DTX1: variants seen among roughly 807,000 people sequenced by gnomAD.
DTX1 encodes E3 ubiquitin-protein ligase DTX1.
Under a neutral mutation model 57.8 loss-of-function variants are expected in DTX1, and 26 were observed. The ratio of observed to expected loss-of-function variants is 0.45; its 90% CI spans 0.33 to 0.62. DTX1 has a LOEUF of 0.62. Ranked by LOEUF, DTX1 falls within the 20% of genes least tolerant of loss-of-function variation. The pLI, the probability that DTX1 is intolerant of heterozygous loss-of-function variation, is 0.02. For missense variants in DTX1, 704 were observed against 895.3 expected (o/e 0.79, Z 2.73); for synonymous variants, 398 against 394.1 (o/e 1.01, Z -0.12).
chr12:113,088,129 A>C (rs1950218791), intron 3 of DTX1, among the ~76,000 whole-genome samples: 1 of 152,208 alleles, frequency 6.6e-6, no homozygotes, highest in African/African-American at 2.4e-5. Flanking sequence ...CGGAAACTCC[A>C]GGACCCAGTG....
At position 113,057,633 on chromosome 12, in the gene DTX1, G is replaced by C. The variant is rs780341652; in HGVS notation, c.-560G>C. On this transcript the variant is annotated 5_prime_UTR_variant, in exon 2 of 10. Coordinates refer to ENST00000548759, the MANE Select transcript of DTX1 (RefSeq NM_004416.3). ...GACACCGTGGAGAGGGAACAAGGGG[G>C]CAGGGACGCCCCCTTCGGCAGGAGC... The C allele has an allele frequency of 6.4e-6, 1 of 155,884 alleles. No individual in the cohort carries two copies. Among genetic ancestry groups the C allele is most frequent in the Non-Finnish European group, 1.4e-5 (1 of 70,200 alleles). The allele number at this position is 155,884 out of a possible 1,614,324, so 9.7% of individuals were successfully genotyped here.
chr12:113,062,062 C>CAT (rs2044668598), intron 2 of DTX1, among the ~76,000 whole-genome samples: 1 of 151,970 alleles, frequency 6.6e-6, no homozygotes, highest in African/African-American at 2.4e-5. Context: ...CACACACACA[C>CAT]ACACACACTC....
In DTX1 at chr12:113,077,865, C is replaced by A; in HGVS notation, c.701C>A (p.Pro234Gln). Residue 234 changes from proline to glutamine, a missense_variant, in exon 3 of 10, where the codon CCG (proline) becomes CAG (glutamine). Physicochemically the swap from Pro to Gln is moderately conservative, Grantham distance 76 (BLOSUM62 -1). Around this residue, in one of 3 missense-constraint regions of DTX1, gnomAD observed 299 missense variants for 311.2 expected, o/e 0.96. Transcript: ENST00000548759. This position sits in a 1 kb window ranked among gnomAD's most constrained non-coding sequence, Gnocchi z 7.8. Reference protein sequence around the residue: ...RKAPPAPPLPPPPPPGGPPGA... With the variant: ...RKAPPAPPLPQPPPPGGPPGA... ...GCGCCCCCCGCGCCCCCGCTGCCGC[C>A]GCCGCCGCCACCTGGAGGGCCTCCA... 7.6e-7 allele frequency: 1 copy of A among 1,311,436 alleles called. No individual in the cohort carries two copies. The highest frequency in any genetic ancestry group is 9.6e-7 in the Non-Finnish European group (1 of 1,040,292). The allele number at this position is 1,311,436 out of a possible 1,614,324, so 81.2% of individuals were successfully genotyped here.
At chr12:113,071,080 TTCTATC>T (rs1403232361) in intron 2 of DTX1, among the ~76,000 whole-genome samples, 2 of 152,222 alleles carry the variant, frequency 1.3e-5, no homozygotes, top group African/African-American at 4.8e-5. Flanking sequence ...CTCAAGCTCG[TTCTATC>T]TCTGACTCCA....
chr12:113,095,049 G>T lies in DTX1; in HGVS notation c.1394G>T (p.Ser465Ile), dbSNP rs1297234343. The T allele has an allele frequency of 1.2e-6, 2 of 1,610,702 alleles. No homozygotes were observed. The highest frequency in any genetic ancestry group is 2.2e-5 in the South Asian group (2 of 90,958). ...CCAGCCTCCCCTGCCCAGGATGGCA[G>T]CCTGCAGTGCCCCACCTGCAAGGCC... is the stretch of plus-strand genomic sequence containing the variant. Reference protein sequence around the residue: ...AMYSNGNKDGSLQCPTCKAIY... With the variant: ...AMYSNGNKDGILQCPTCKAIY... Residue 465 changes from serine (S) to isoleucine (I), a missense_variant, in exon 8 of 10, where the codon AGC becomes ATC. Ser to Ile is a moderately radical substitution (Grantham distance 142). Coordinates refer to ENST00000548759, the MANE Select transcript of DTX1 (RefSeq NM_004416.3).
rs2136069073 is a variant in DTX1, at chr12:113,096,776, A to G, written c.1700A>G (p.Asn567Ser). Residue 567 changes from asparagine to serine, a missense_variant, in exon 10 of 10, where the codon AAC becomes AGC. Asn to Ser is a conservative substitution (Grantham distance 46). Transcript: ENST00000548759. ...CTCATCTTCACTATCGGCACGTCCAACACCACGGGCGAGTCGGACACCGTG... is the reference window on the plus strand; with the variant it reads ...CTCATCTTCACTATCGGCACGTCCAGCACCACGGGCGAGTCGGACACCGTG... ...RRLIFTIGTS[N>S]TTGESDTVVW... 6.2e-7 allele frequency: 1 copy of G among 1,613,854 alleles called. No homozygotes were observed. The highest frequency in any genetic ancestry group is 8.5e-7 in the Non-Finnish European group (1 of 1,180,030).
intron 6 of DTX1, among the ~76,000 whole-genome samples, 164 bp downstream of exon 6, chr12:113,094,263 C>G (rs1181099404): frequency 6.6e-6 from 1 of 152,194 alleles, no homozygotes; most frequent in African/African-American, 2.4e-5. Context: ...TTAATAGACT[C>G]ACATTTATCC....
In DTX1 at chr12:113,093,985, C is replaced by G; in HGVS notation, c.1166-53C>G. Reference sequence around the variant, plus strand: ...CCCCTGACCCAGTTCTGAGCCAAGCCTTCGGGGACAGACTCTGGGTACCCT... The same window carrying G: ...CCCCTGACCCAGTTCTGAGCCAAGCGTTCGGGGACAGACTCTGGGTACCCT... On this transcript the variant is annotated intron_variant, in intron 5 of 9. Transcript: ENST00000548759. This position sits in a 1 kb window ranked among gnomAD's most constrained non-coding sequence, Gnocchi z 4.2. 2.6e-6 allele frequency: 4 copies of G among 1,555,986 alleles called. No homozygotes were observed. Among genetic ancestry groups the G allele is most frequent in the East Asian group, 2.4e-5 (1 of 42,216 alleles).
At chr12:113,086,291 G>A (rs143671658) in intron 3 of DTX1, among the ~76,000 whole-genome samples, 41 of 152,136 alleles carry the variant, frequency 2.7e-4, no homozygotes, top group African/African-American at 9.9e-4. Context: ...AGAACTGGGG[G>A]AAGAGCATTC....
At chr12:113,061,190 C>T (rs1396527996) in intron 2 of DTX1, among the ~76,000 whole-genome samples, 2 of 152,118 alleles carry the variant, frequency 1.3e-5, no homozygotes, top group Non-Finnish European at 2.9e-5. Flanking sequence ...CCACACCTGC[C>T]CCCTGTTTGC....
At chr12:113,061,728 G>GT (rs2044664955) in intron 2 of DTX1, among the ~76,000 whole-genome samples, 1 of 151,770 alleles carries the variant, frequency 6.6e-6, no homozygotes, top group Non-Finnish European at 1.5e-5. Context: ...TTGAGACAGT[G>GT]TCTCACTCTG....
At chr12:113,075,961 G>A (rs770453820) in intron 2 of DTX1, among the ~76,000 whole-genome samples, 6 of 151,930 alleles carry the variant, frequency 3.9e-5, no homozygotes, top group Non-Finnish European at 7.4e-5. Context: ...ACATTCTAGC[G>A]AGGGGGGGAC....
Position 113,093,690 on chromosome 12 carries a change from C to G in DTX1, c.1155C>G (p.His385Gln). 2 of 1,613,698 alleles carry G rather than the reference C, an allele frequency of 1.2e-6. No individual in the cohort carries two copies. Among genetic ancestry groups the G allele is most frequent in the Non-Finnish European group, 1.7e-6 (2 of 1,179,906 alleles). ...TGTGCCGCAAGACCAAGAAGAAGCA[C>G]CTTAAAAAGAGTACGCCCTCCACGC... is the stretch of plus-strand genomic sequence containing the variant. ...PGVCRKTKKKHLKKSKNPEDV... is the reference protein window; with the variant it reads ...PGVCRKTKKKQLKKSKNPEDV... The change falls in exon 5 of 10, where the codon CAC (histidine) becomes CAG (glutamine). Residue 385 changes from histidine to glutamine, a missense_variant. Around this residue, in one of 3 missense-constraint regions of DTX1, gnomAD observed 299 missense variants for 311.2 expected, o/e 0.96. Coordinates refer to ENST00000548759, the MANE Select transcript of DTX1 (RefSeq NM_004416.3). The surrounding 1 kb of genome is among the most constrained non-coding windows in gnomAD (Gnocchi z 4.2).
chr12:113,087,859 G>A (rs181992374), intron 3 of DTX1, among the ~76,000 whole-genome samples: 29 of 152,238 alleles, frequency 1.9e-4, no homozygotes, highest in Admixed American at 1.9e-3. Flanking sequence ...AGGAGGGAGG[G>A]GACTTGGCTG....
chr12:113,075,247 G>C (rs1214938464), intron 2 of DTX1, among the ~76,000 whole-genome samples: 2 of 152,210 alleles, frequency 1.3e-5, no homozygotes, highest in African/African-American at 2.4e-5. Context: ...TGGAAAGTCA[G>C]AAAGTCAGGA....
intron 3 of DTX1, among the ~76,000 whole-genome samples, chr12:113,080,914 G>T (rs1489670107): frequency 6.6e-6 from 1 of 151,592 alleles, no homozygotes; most frequent in Non-Finnish European, 1.5e-5. Flanking sequence ...GGTCAAGGCT[G>T]CAGTGACCTG....
chr12:113,094,969 C>T lies in DTX1; in HGVS notation c.1386+22C>T, dbSNP rs1389217640. 2.5e-6 allele frequency: 4 copies of T among 1,608,330 alleles called. No individual in the cohort carries two copies. The Admixed American group carries it at 5.0e-5, about 20-fold the overall frequency. On this transcript the variant is annotated intron_variant, in intron 7 of 9. Transcript: ENST00000548759. The stretch of plus-strand genomic sequence containing the variant: ...CAAGGTGGGTTGGGCGGGACAATGG[C>T]TGAGGAGTGGGCAGGGAACGGAGTG...
rs2044625660 is a variant in DTX1, at chr12:113,056,750, C to T, written c.-939C>T. On this transcript the variant is annotated 5_prime_UTR_variant, in exon 1 of 10. Coordinates refer to ENST00000548759, the MANE Select transcript of DTX1 (RefSeq NM_004416.3). ...CTCCCACCCGCGAGATCCCGGCGGC[C>T]GCCAGCCGGCTCCTGCGTCCGTCCG... 2 of 152,168 alleles carry T rather than the reference C, an allele frequency of 1.3e-5. No individual in the cohort carries two copies. The highest frequency in any genetic ancestry group is 4.8e-5 in the African/African-American group (2 of 41,448). 9.4% of individuals were successfully genotyped at this position (152,168 alleles called of 1,614,324 possible). A position where few individuals can be genotyped will look rare whatever the true frequency, so the allele number is the denominator to read the frequency against.
At position 113,063,544 on chromosome 12, in the gene DTX1, C is replaced by T. The variant is rs576888777; in HGVS notation, c.259+5093C>T. 8.5e-5 allele frequency among the ~76,000 whole-genome samples: 13 copies of T among 152,354 alleles called. No homozygotes were observed. The South Asian group carries it at 2.7e-3, about 32-fold the overall frequency. ...CTCTCCATGTGCTGCTGGAGGGGTG[C>T]ATGGCAGCCTCCTGCCCCTTCTGCT... On this transcript the variant is annotated intron_variant, in intron 2 of 9. Coordinates refer to ENST00000548759, the MANE Select transcript of DTX1 (RefSeq NM_004416.3).
Sources: allele counts gnomAD v4.1 joint callset (sites outside exome capture counted in the v4.1 genomes callset), GRCh38; gene constraint gnomAD v4.1.1; regional missense constraint gnomAD v4.1.1; non-coding constraint Gnocchi (gnomAD v3.1); transcripts MANE v1.5; gene names NCBI Gene and HGNC (gene_info 2026-07-23, HGNC 2026-07-21).